DHRS9: variants seen among roughly 807,000 people sequenced by gnomAD.
DHRS9 encodes dehydrogenase/reductase SDR family member 9.
DHRS9 carries 18 observed loss-of-function variants against 26.6 expected under a neutral mutation model. The observed-to-expected ratio is 0.68, with a 90% CI of 0.47 to 1.00. The LOEUF (loss-of-function observed/expected upper bound fraction) is 1.00, where lower values mean the gene tolerates loss of function less well. Among genes scored for constraint, DHRS9 ranks in the 50% least tolerant of loss-of-function variants. The probability of loss-of-function intolerance (pLI) is 0.00; values close to 1 mark genes in which losing one functional copy is unlikely to be tolerated. For synonymous variants in DHRS9, 134 were observed against 141.1 expected, an observed-to-expected ratio of 0.95 and a Z score of 0.36; for missense variants, 425 against 378.7, an observed-to-expected ratio of 1.12 and a Z score of -1.01.
intron 1 of DHRS9, chr2:169,070,419 T>TA: frequency 1.0e-6 from 1 of 985,454 alleles, no homozygotes; most frequent in Non-Finnish European, 1.2e-6. Flanking sequence ...AAATACATTT[T>TA]AAAATCAACA....
intron 1 of DHRS9, chr2:169,070,548 A>G: frequency 1.0e-6 from 1 of 985,254 alleles, no homozygotes; most frequent in Non-Finnish European, 1.2e-6. Context: ...TAACTGCTCT[A>G]AAAATCTCCT....
chr2:169,084,626 TTGTA>T (rs1188356908), intron 3 of DHRS9, among the ~76,000 whole-genome samples: 1 of 152,168 alleles, frequency 6.6e-6, no homozygotes, highest in Non-Finnish European at 1.5e-5. Flanking sequence ...TATTTTCCAC[TTGTA>T]TGTCTTTTCA....
chr2:169,081,467 G>A (rs141571021), intron 1 of DHRS9, 56 bp from the exon 2 acceptor site: 25,528 of 1,488,006 alleles, frequency 0.017, 286 homozygotes, highest in Non-Finnish European at 0.019. Flanking sequence ...TCAGTCCTGG[G>A]TTATAATGCC....
Position 169,095,610 on chromosome 2 carries a change from T to A in DHRS9, c.803T>A (p.Met268Lys). 6.2e-7 allele frequency: 1 copy of A among 1,613,924 alleles called. No individual in the cohort carries two copies. The highest frequency in any genetic ancestry group is 2.2e-5 in the East Asian group (1 of 44,858). Residue 268 changes from methionine (M) to lysine (K), a missense_variant, in exon 5 of 5, where the codon ATG becomes AAG. Physicochemically the swap from Met to Lys is moderately conservative, Grantham distance 95 (BLOSUM62 -1). Transcript: ENST00000674881. ...NMDLSPVVEC[M>K]DHALTSLFPK... ...GACCTCTCTCCGGTGGTAGAGTGCATGGACCACGCTCTAACAAGTCTCTTC... is the reference window on the plus strand; with the variant it reads ...GACCTCTCTCCGGTGGTAGAGTGCAAGGACCACGCTCTAACAAGTCTCTTC...
Position 169,092,873 on chromosome 2 carries a change from T to C in DHRS9, c.736+920T>C, listed in dbSNP as rs78269906. Among the ~76,000 whole-genome samples the C allele has an allele frequency of 2.3e-3, 354 of 152,326 alleles. 2 individuals are homozygous for C. The highest frequency in any genetic ancestry group is 8.0e-3 in the African/African-American group (331 of 41,580). On this transcript the variant is annotated intron_variant, in intron 4 of 4. Coordinates refer to ENST00000674881, the MANE Select transcript of DHRS9 (RefSeq NM_001376924.1). ...TTTAAAATCCCCCAAAAAACTCTTATTATCGTCTTCATTTTATAGAAATAG... is the reference window on the plus strand; with the variant it reads ...TTTAAAATCCCCCAAAAAACTCTTACTATCGTCTTCATTTTATAGAAATAG...
At position 169,083,573 on chromosome 2, in the gene DHRS9, C is replaced by G. The variant is rs753018368; in HGVS notation, c.558C>G (p.Phe186Leu). Reference protein sequence around the residue: ...YTPSKYAVEGFNDSLRRDMKA... With the variant: ...YTPSKYAVEGLNDSLRRDMKA... ...CATCCAAATATGCAGTGGAAGGTTT[C>G]AATGACAGCTTAAGGTAAATCAAAT... Residue 186 changes from phenylalanine (F) to leucine (L), a missense_variant, in exon 3 of 5, where the codon TTC becomes TTG. Phe to Leu is a conservative substitution (Grantham distance 22). Transcript: ENST00000674881. 2.5e-5 allele frequency: 41 copies of G among 1,613,808 alleles called. No homozygotes were observed. In the African/African-American group the frequency reaches 5.5e-4, roughly 22 times the overall value.
intron 1 of DHRS9, among the ~76,000 whole-genome samples, chr2:169,074,835 G>T (rs753715509): frequency 4.6e-5 from 7 of 152,096 alleles, no homozygotes; most frequent in Non-Finnish European, 7.4e-5. Context: ...CAGTCCCTAG[G>T]ATTCAGACTG....
At chr2:169,091,559 G>T (rs1684527215) in intron 3 of DHRS9, among the ~76,000 whole-genome samples, 3 of 152,174 alleles carry the variant, frequency 2.0e-5, no homozygotes, top group Admixed American at 2.0e-4. Flanking sequence ...GACTGGGGGT[G>T]GTGTCCACCC....
At chr2:169,090,916 T>C (rs1357348255) in intron 3 of DHRS9, among the ~76,000 whole-genome samples, 7 of 152,170 alleles carry the variant, frequency 4.6e-5, no homozygotes, top group African/African-American at 1.7e-4. Context: ...GCCGTTGCAA[T>C]CACAGGGCAA....
At chr2:169,087,803 A>C (rs1434901674) in intron 3 of DHRS9, among the ~76,000 whole-genome samples, 1 of 152,152 alleles carries the variant, frequency 6.6e-6, no homozygotes, top group Non-Finnish European at 1.5e-5. Context: ...AGGGCCTGGA[A>C]TAGGGGCCTC....
At chr2:169,083,132 A>G (rs1574029969) in intron 2 of DHRS9, among the ~76,000 whole-genome samples, 197 bp from the exon 3 acceptor site, 1 of 152,240 alleles carries the variant, frequency 6.6e-6, no homozygotes, top group East Asian at 1.9e-4. Flanking sequence ...ATAGAGTAAC[A>G]GCGAGAACTT....
upstream of DHRS9, chr2:169,067,345 G>A: frequency 6.6e-7 from 1 of 1,507,856 alleles, no homozygotes; most frequent in South Asian, 1.2e-5. Flanking sequence ...TGTAGTTGCA[G>A]GAAGCCTAAC....
chr2:169,081,828 G>T lies in DHRS9; in HGVS notation c.247G>T (p.Asp83Tyr). 1 of 1,614,104 alleles carries T rather than the reference G, an allele frequency of 6.2e-7. No homozygotes were observed. The highest frequency in any genetic ancestry group is 8.5e-7 in the Non-Finnish European group (1 of 1,180,000). ...AGAGAGACTTCGTACTGTGCTTCTG[G>T]ATGTGACCGACCCAGAGAATGTCAA... ...TSERLRTVLL[D>Y]VTDPENVKRT... The change falls in exon 2 of 5, where the codon GAT becomes TAT. Residue 83 changes from aspartate (D) to tyrosine (Y), a missense_variant. Asp to Tyr is a radical substitution (Grantham distance 160, BLOSUM62 -3). Transcript: ENST00000674881.
intron 1 of DHRS9, among the ~76,000 whole-genome samples, chr2:169,071,554 G>C (rs1024641537): frequency 6.6e-6 from 1 of 152,178 alleles, no homozygotes; most frequent in Non-Finnish European, 1.5e-5. Context: ...TCCTGAGGAG[G>C]CTGTCTGAGT....
chr2:169,070,345 G>A, intron 1 of DHRS9: 1 of 985,370 alleles, frequency 1.0e-6, no homozygotes, highest in Non-Finnish European at 1.2e-6. Context: ...CCGGTGGTTT[G>A]GTTTTTCAAA....
chr2:169,079,603 C>T (rs1252981669), intron 1 of DHRS9, among the ~76,000 whole-genome samples: 5 of 151,630 alleles, frequency 3.3e-5, no homozygotes, highest in Non-Finnish European at 7.4e-5. Context: ...CCTGTAATCC[C>T]CGCACTTTGG....
At position 169,091,827 on chromosome 2, in the gene DHRS9, A is replaced by T. The variant is rs375871232; in HGVS notation, c.610A>T (p.Ile204Phe). 3.7e-6 allele frequency: 6 copies of T among 1,613,940 alleles called. No homozygotes were observed. Among genetic ancestry groups the T allele is most frequent in the Non-Finnish European group, 5.1e-6 (6 of 1,179,868 alleles). Reference protein sequence around the residue: ...MKAFGVHVSCIEPGLFKTNLA... With the variant: ...MKAFGVHVSCFEPGLFKTNLA... ...AGCTTTTGGTGTGCACGTCTCATGC[A>T]TTGAACCAGGATTGTTCAAAACAAA... is the stretch of plus-strand genomic sequence containing the variant. Residue 204 changes from isoleucine to phenylalanine, a missense_variant, in exon 4 of 5, where the codon ATT becomes TTT. Transcript: ENST00000674881.
intron 3 of DHRS9, 23 bp from the exon 4 acceptor site, chr2:169,091,767 T>C: frequency 1.9e-6 from 3 of 1,577,256 alleles, no homozygotes; most frequent in South Asian, 1.2e-5. Flanking sequence ...GGATTAAACA[T>C]CTTCAATGGG....
chr2:169,087,134 A>T (rs1684377354), intron 3 of DHRS9, among the ~76,000 whole-genome samples: 1 of 152,144 alleles, frequency 6.6e-6, no homozygotes, highest in Admixed American at 6.5e-5. Context: ...TGGAGTCAGA[A>T]ACTTTAGGAA....
Sources: gnomAD v4.1 joint callset for allele counts (sites outside exome capture counted in the v4.1 genomes callset) on GRCh38, gnomAD v4.1.1 for gene constraint, MANE v1.5 for transcripts, NCBI Gene and HGNC (gene_info 2026-07-23, HGNC 2026-07-21) for gene names.